The following KIF6 variants were observed in gnomAD, a reference collection of about 807,000 sequenced individuals.
The protein encoded by KIF6 is kinesin-like protein KIF6.
In KIF6, 106 loss-of-function variants were observed where a neutral mutation model predicts 112.7. The ratio of observed to expected loss-of-function variants is 0.94; its 90% confidence interval spans 0.80 to 1.11. The LOEUF (loss-of-function observed/expected upper bound fraction) is 1.11, where lower values mean the gene tolerates loss of function less well. Among genes scored for constraint, KIF6 ranks in the 50% least tolerant of loss-of-function variants. KIF6 has a pLI of 0.00. For missense variants in KIF6, 929 were observed against 964.0 expected (o/e 0.96, Z 0.48); for synonymous variants, 339 against 339.9 (o/e 1.00, Z 0.03).
intron 10 of KIF6, among the ~76,000 whole-genome samples, chr6:39,560,343 A>G (rs1033602942): frequency 6.6e-6 from 1 of 152,352 alleles, no homozygotes; most frequent in South Asian, 2.1e-4. Context: ...AGAGAGCTAT[A>G]AAACTGTTTA....
chr6:39,632,278 C>T (rs1439123277), intron 5 of KIF6, among the ~76,000 whole-genome samples: 1 of 152,012 alleles, frequency 6.6e-6, no homozygotes, highest in Non-Finnish European at 1.5e-5. Context: ...GAAGCTGTTA[C>T]TGATGGCTAT....
intron 4 of KIF6, among the ~76,000 whole-genome samples, chr6:39,638,997 C>T (rs1784769329): frequency 6.6e-6 from 1 of 151,968 alleles, no homozygotes; most frequent in Non-Finnish European, 1.5e-5. Flanking sequence ...GATGTGGGCC[C>T]AGAGGAAAAT....
intron 3 of KIF6, among the ~76,000 whole-genome samples, chr6:39,654,418 C>T (rs1467213897): frequency 6.6e-6 from 1 of 152,060 alleles, no homozygotes; most frequent in Non-Finnish European, 1.5e-5. Flanking sequence ...TAGATTGTAC[C>T]CATTCTTTCC....
At chr6:39,355,585 TC>T (rs1409833702) in intron 19 of KIF6, among the ~76,000 whole-genome samples, 1 of 146,914 alleles carries the variant, frequency 6.8e-6, no homozygotes, top group East Asian at 2.2e-4. Context: ...TGCCTCAGCC[TC>T]CCGAGTGGCT....
At chr6:39,542,044 C>T (rs73414664) in intron 12 of KIF6, among the ~76,000 whole-genome samples, 4,833 of 152,106 alleles carry the variant, frequency 0.032, 262 homozygotes, top group African/African-American at 0.11. Context: ...ACACGTGGGA[C>T]GAGGCATGAG....
rs369708892 is a variant in KIF6, at chr6:39,473,550, T to G, written c.1646-42389A>C. Among the ~76,000 whole-genome samples the G allele has an allele frequency of 4.6e-5, 7 of 152,332 alleles. No individual in the cohort carries two copies. In the East Asian group the frequency reaches 9.6e-4, roughly 21 times the overall value. On this transcript the variant is annotated intron_variant, in intron 13 of 22. Coordinates refer to ENST00000287152, the MANE Select transcript of KIF6 (RefSeq NM_145027.6). ...CTAAATGTTGTATAATATTTAATAC[T>G]GCTCTGTCTGCTTCTCCTGACAGAG...
At chr6:39,356,476 G>A (rs1764699042) in intron 19 of KIF6, among the ~76,000 whole-genome samples, 1 of 152,066 alleles carries the variant, frequency 6.6e-6, no homozygotes, top group Non-Finnish European at 1.5e-5. Flanking sequence ...TGTTGGTCAG[G>A]CTAGTCTTGA....
chr6:39,636,877 T>C (rs1166093862), intron 4 of KIF6, among the ~76,000 whole-genome samples: 2 of 151,990 alleles, frequency 1.3e-5, no homozygotes, highest in Non-Finnish European at 2.9e-5. Context: ...AACAGAATAA[T>C]CCCACACCCT....
intron 15 of KIF6, among the ~76,000 whole-genome samples, chr6:39,388,077 A>G (rs1767573399): frequency 6.6e-6 from 1 of 152,056 alleles, no homozygotes; most frequent in African/African-American, 2.4e-5. Flanking sequence ...ACTGGTTTGC[A>G]CTGCTTCCTG....
At chr6:39,639,464 C>T (rs542911434) in intron 4 of KIF6, 146 bp downstream of exon 4, 68 of 585,544 alleles carry the variant, frequency 1.2e-4, no homozygotes, top group African/African-American at 1.1e-3. Context: ...CCCAACCTCT[C>T]CTTAAAGGTA....
chr6:39,507,101 T>C (rs1423942464), intron 13 of KIF6, among the ~76,000 whole-genome samples: 1 of 152,156 alleles, frequency 6.6e-6, no homozygotes, highest in East Asian at 1.9e-4. Flanking sequence ...GAATTTGTGA[T>C]TTATAGAAGG....
At chr6:39,372,421 A>T (rs565381162) in intron 16 of KIF6, among the ~76,000 whole-genome samples, 36 of 152,244 alleles carry the variant, frequency 2.4e-4, no homozygotes, top group Non-Finnish European at 3.8e-4. Context: ...AAGTAAAATG[A>T]TCCTGACATA....
chr6:39,613,099 C>T, intron 6 of KIF6, 90 bp downstream of exon 6: 2 of 1,073,908 alleles, frequency 1.9e-6, no homozygotes, highest in East Asian at 2.9e-5. Flanking sequence ...TGGCCCTAAA[C>T]TTCTATTATA....
At chr6:39,561,853 G>C (rs920342978) in intron 10 of KIF6, among the ~76,000 whole-genome samples, 1 of 152,182 alleles carries the variant, frequency 6.6e-6, no homozygotes, top group Non-Finnish European at 1.5e-5. Flanking sequence ...GGCATGAAGT[G>C]GTCTCAGGGC....
chr6:39,432,712 G>A (rs1324741495), intron 13 of KIF6, among the ~76,000 whole-genome samples: 1 of 152,164 alleles, frequency 6.6e-6, no homozygotes, highest in East Asian at 1.9e-4. Context: ...TGAGGGGCAC[G>A]TTTCACCAGC....
At chr6:39,368,928 C>G (rs1266329056) in intron 16 of KIF6, among the ~76,000 whole-genome samples, 1 of 152,204 alleles carries the variant, frequency 6.6e-6, no homozygotes, top group Non-Finnish European at 1.5e-5. Context: ...CCATGGCAGA[C>G]AAGACATCAG....
chr6:39,545,601 G>A lies in KIF6; in HGVS notation c.1269C>T (p.His423=). The A allele has an allele frequency of 1.2e-6, 2 of 1,610,974 alleles. No individual in the cohort carries two copies. The highest frequency in any genetic ancestry group is 1.7e-6 in the Non-Finnish European group (2 of 1,177,320). ...AGTTTACCTTTAAATGATGAAAACA[G>A]TGATGAACTTTACGCATATCCGCGC... ...EVGADMRKVH[H]CFHHLKKLLN... is the part of the protein sequence containing the mutation. Residue 423 remains histidine, a synonymous_variant, in exon 11 of 23, where the codon CAC becomes CAT. Transcript: ENST00000287152.
chr6:39,362,115 CGGAGGGA>C (rs1765205904), intron 17 of KIF6, among the ~76,000 whole-genome samples: 1 of 152,092 alleles, frequency 6.6e-6, no homozygotes, highest in South Asian at 2.1e-4. Context: ...TCTCAGGACT[CGGAGGGA>C]AGTGGACTTC....
rs571952650 is a variant in KIF6, at chr6:39,634,612, T to C, written c.509+237A>G. 1.6e-4 allele frequency among the ~76,000 whole-genome samples: 24 copies of C among 152,212 alleles called. 1 individual carries two copies. The South Asian group carries it at 5.0e-3, about 32-fold the overall frequency. On this transcript the variant is annotated intron_variant, in intron 5 of 22. Coordinates refer to ENST00000287152, the MANE Select transcript of KIF6 (RefSeq NM_145027.6). ...CTTAGAGAAAATTCATTGCACTCTCTTCTGCCAACTCCAAAAGAGATTTTC... is the reference window on the plus strand; with the variant it reads ...CTTAGAGAAAATTCATTGCACTCTCCTCTGCCAACTCCAAAAGAGATTTTC...
Sources: allele counts gnomAD v4.1 joint callset (sites outside exome capture counted in the v4.1 genomes callset), GRCh38; gene constraint gnomAD v4.1.1; transcripts MANE v1.5; gene names NCBI Gene and HGNC (gene_info 2026-07-23, HGNC 2026-07-21).